The following DEPDC5 variants were observed in gnomAD, a reference collection of about 807,000 sequenced individuals.
DEPDC5 encodes DEP domain containing 5, GATOR1 subcomplex subunit, also known as GATOR1 complex protein DEPDC5.
A neutral mutation model predicts 217.3 loss-of-function variants in DEPDC5; 73 were observed. The ratio of observed to expected loss-of-function variants is 0.34; its 90% CI spans 0.28 to 0.41. The LOEUF (loss-of-function observed/expected upper bound fraction) is 0.41. DEPDC5 is among the 10% of genes least tolerant of loss of function. The pLI is 1.00. For missense variants in DEPDC5, 1,675 were observed against 2,070.1 expected, an observed-to-expected ratio of 0.81 and a Z score of 3.70; for synonymous variants, 733 against 756.7, an observed-to-expected ratio of 0.97 and a Z score of 0.51.
chr22:31,833,635 T>C (rs962768897), intron 24 of DEPDC5, among the ~76,000 whole-genome samples: 1 of 152,224 alleles, frequency 6.6e-6, no homozygotes, highest in African/African-American at 2.4e-5. Flanking sequence ...AATGTGTCCG[T>C]TTTCTTAAAA....
intron 40 of DEPDC5, among the ~76,000 whole-genome samples, chr22:31,900,334 G>T (rs982443600): frequency 1.3e-5 from 2 of 151,784 alleles, no homozygotes; most frequent in Admixed American, 6.6e-5. Flanking sequence ...GGTGTGAGCC[G>T]CCGCACCTGG....
intron 31 of DEPDC5, among the ~76,000 whole-genome samples, chr22:31,851,454 GC>G (rs1485151951): frequency 6.6e-6 from 1 of 152,174 alleles, no homozygotes; most frequent in African/African-American, 2.4e-5. Flanking sequence ...CCACCTCACA[GC>G]TAGATCAGGT....
At chr22:31,859,350 C>T (rs2092430629) in intron 32 of DEPDC5, among the ~76,000 whole-genome samples, 1 of 150,760 alleles carries the variant, frequency 6.6e-6, no homozygotes, top group African/African-American at 2.4e-5. Context: ...CTCTGTCTCC[C>T]AAAGTGTTGG....
At position 31,834,029 on chromosome 22, in the gene DEPDC5, G is replaced by A. The variant is rs781344776; in HGVS notation, c.2170+49G>A. 13 of 1,581,898 alleles carry A rather than the reference G, an allele frequency of 8.2e-6. No individual in the cohort carries two copies. The African/African-American group carries it at 1.6e-4, about 20-fold the overall frequency. ...GAAAGGGGTAGACAGGGAGTGTGGG[G>A]TGGTCAGAGCATGAGGAAACAAGAG... On this transcript the variant is annotated intron_variant, in intron 25 of 42. Transcript: ENST00000651528.
intron 38 of DEPDC5, among the ~76,000 whole-genome samples, chr22:31,881,345 G>A (rs1056303954): frequency 3.3e-5 from 5 of 151,982 alleles, no homozygotes; most frequent in African/African-American, 9.7e-5. Context: ...ATCTGGGTGT[G>A]GCTCACTCCA....
intron 10 of DEPDC5, among the ~76,000 whole-genome samples, chr22:31,787,675 A>G (rs1265351509): frequency 6.6e-6 from 1 of 152,062 alleles, no homozygotes; most frequent in East Asian, 1.9e-4. Context: ...AGCTGGCTGC[A>G]TTGGCAAATG....
chr22:31,838,078 G>T (rs931940865), intron 26 of DEPDC5, among the ~76,000 whole-genome samples: 2 of 152,078 alleles, frequency 1.3e-5, no homozygotes, highest in African/African-American at 2.4e-5. Context: ...CTCGTTGATT[G>T]ATTTATTTTT....
intron 31 of DEPDC5, among the ~76,000 whole-genome samples, chr22:31,847,457 A>G (rs1351714094): frequency 6.6e-6 from 1 of 152,198 alleles, no homozygotes; most frequent in Non-Finnish European, 1.5e-5. Context: ...AGTTTAATCA[A>G]CTCACAGTTC....
rs140206931 is a variant in DEPDC5 at position 31,800,656 on chromosome 22, T to A, written c.946+2000T>A. Among the ~76,000 whole-genome samples the A allele has an allele frequency of 8.8e-3, 1,346 of 152,106 alleles. 24 individuals are homozygous for A. Among genetic ancestry groups the A allele is most frequent in the African/African-American group, 0.029 (1,211 of 41,534 alleles). ...AAAATAAGAATTAAAATAAAAATTT[T>A]AAAAAATTAAAATCTACTTTAAAAA... On this transcript the variant is annotated intron_variant, in intron 14 of 42. Coordinates refer to ENST00000651528, the MANE Select transcript of DEPDC5 (RefSeq NM_001242896.3).
intron 10 of DEPDC5, among the ~76,000 whole-genome samples, chr22:31,785,797 T>C (rs139275452): frequency 1.3e-5 from 2 of 152,276 alleles, no homozygotes; most frequent in Non-Finnish European, 2.9e-5. Flanking sequence ...AACCCGTACA[T>C]CTATGGTCAG....
Position 31,810,643 on chromosome 22 carries a change from T to C in DEPDC5, c.1445+2T>C. ...GGCCCAGTGCCTCACCACCTGCAGG[T>C]TTTCTGCCAGATTCACTTGGGGGTG... On this transcript the variant is annotated splice_donor_variant, in intron 20 of 42. Transcript: ENST00000651528. LOFTEE classifies it high-confidence loss of function. 6.2e-7 allele frequency: 1 copy of C among 1,614,046 alleles called. No homozygotes were observed. Among genetic ancestry groups the C allele is most frequent in the Non-Finnish European group, 8.5e-7 (1 of 1,179,996 alleles).
intron 24 of DEPDC5, among the ~76,000 whole-genome samples, chr22:31,830,354 A>C (rs2090493769): frequency 6.6e-6 from 1 of 152,260 alleles, no homozygotes; most frequent in Admixed American, 6.5e-5. Context: ...TGAGTGTGAG[A>C]CTTCATTCCC....
intron 6 of DEPDC5, among the ~76,000 whole-genome samples, chr22:31,768,405 A>G (rs1161073590): frequency 6.6e-6 from 1 of 152,220 alleles, no homozygotes; most frequent in Non-Finnish European, 1.5e-5. Flanking sequence ...ATTTTCAGGA[A>G]AAATCTGCTT....
chr22:31,903,679 TCCACCTTCCACACCTAAGCCCCC>T (rs1444176828), intron 41 of DEPDC5, among the ~76,000 whole-genome samples: 2 of 10,880 alleles, frequency 1.8e-4, no homozygotes, highest in African/African-American at 6.9e-4. Flanking sequence ...ACTAAACCCC[TCCACCTTCCACACCTAAGCCCCC>T]CCACCTTCCA....
rs771789860 is a variant in DEPDC5 at position 31,821,568 on chromosome 22, G to A, written c.1937G>A (p.Ser646Asn). The A allele has an allele frequency of 1.9e-6, 3 of 1,614,224 alleles. No individual in the cohort carries two copies. The highest frequency in any genetic ancestry group is 2.5e-6 in the Non-Finnish European group (3 of 1,180,034). Residue 646 changes from serine to asparagine, a missense_variant, in exon 23 of 43, where the codon AGC becomes AAC. Physicochemically the swap from Ser to Asn is conservative, Grantham distance 46 (BLOSUM62 1). Around this residue, in one of 11 missense-constraint regions of DEPDC5, gnomAD observed 136 missense variants for 132.2 expected, o/e 1.03. Coordinates refer to ENST00000651528, the MANE Select transcript of DEPDC5 (RefSeq NM_001242896.3). The part of the protein sequence containing the change: ...TRQNMAELQG[S>N]GQRDPTHSSA... ...CAGAATATGGCGGAGCTACAAGGCA[G>A]CGGGCAGAGGGATCCAACTCACTCC...
chr22:31,856,886 T>C (rs2092325027), intron 31 of DEPDC5, among the ~76,000 whole-genome samples: 1 of 152,068 alleles, frequency 6.6e-6, no homozygotes, highest in African/African-American at 2.4e-5. Flanking sequence ...TCTCGTGCCT[T>C]AGCCTCCCGA....
chr22:31,789,346 A>T (rs552214587), intron 10 of DEPDC5, among the ~76,000 whole-genome samples: 1 of 152,364 alleles, frequency 6.6e-6, no homozygotes, highest in East Asian at 1.9e-4. Context: ...GCATAGATGA[A>T]TCTTGAACAC....
chr22:31,767,141 A>G (rs1601652842), intron 6 of DEPDC5, among the ~76,000 whole-genome samples: 1 of 133,742 alleles, frequency 7.5e-6, no homozygotes, highest in Non-Finnish European at 1.6e-5. Flanking sequence ...ACATGTATTC[A>G]TTGTTTTTTT....
intron 25 of DEPDC5, among the ~76,000 whole-genome samples, chr22:31,835,572 T>C (rs1037324590): frequency 1.3e-5 from 2 of 152,238 alleles, no homozygotes; most frequent in Non-Finnish European, 2.9e-5. Flanking sequence ...AGGCTGATGA[T>C]GGCCAGGATG....
Sources: allele counts gnomAD v4.1 joint callset (sites outside exome capture counted in the v4.1 genomes callset), GRCh38; gene constraint gnomAD v4.1.1; regional missense constraint gnomAD v4.1.1; transcripts MANE v1.5; gene names NCBI Gene and HGNC (gene_info 2026-07-23, HGNC 2026-07-21).